The following DST variants were observed in gnomAD, a reference collection of about 807,000 sequenced individuals.
DST encodes bullous pemphigoid antigen.
DST carries 253 observed loss-of-function variants against 875.2 expected under a neutral mutation model. The observed-to-expected ratio is 0.29, with a 90% CI of 0.26 to 0.32. The LOEUF is 0.32. DST is among the 10% of genes least tolerant of loss of function. DST has a pLI of 1.00. For synonymous variants in DST, 3,124 were observed against 3,197.1 expected, an observed-to-expected ratio of 0.98 and a Z score of 0.77; for missense variants, 8,287 against 9,111.6, an observed-to-expected ratio of 0.91 and a Z score of 3.68.
chr6:56,820,876 A>G (rs916260473), intron 4 of DST, among the ~76,000 whole-genome samples: 2 of 152,218 alleles, frequency 1.3e-5, no homozygotes, highest in African/African-American at 4.8e-5. Flanking sequence ...CTGTGTATAC[A>G]AACTTGACTG....
At chr6:56,833,573 T>C (rs1389691653) in intron 4 of DST, among the ~76,000 whole-genome samples, 1 of 152,054 alleles carries the variant, frequency 6.6e-6, no homozygotes, top group African/African-American at 2.4e-5. Flanking sequence ...TAAAGCATCA[T>C]AGCTGCCAAC....
Position 56,542,428 on chromosome 6 carries a change from T to TAAAA in DST, c.16609-5492_16609-5489dup, listed in dbSNP as rs60688419. 3.5e-3 allele frequency: 237 copies of TAAAA among 68,088 alleles called. 10 individuals are homozygous for TAAAA. Among genetic ancestry groups the TAAAA allele is most frequent in the African/African-American group, 0.015 (225 of 15,330 alleles). The allele number at this position is 68,088 out of a possible 1,614,324, so 4.2% of individuals were successfully genotyped here. ...AGCATGGTGTACTACTAAGCTTCTT[T>TAAAA]AAAAAAAAAAAAAAAAAAAAAAAAA... On this transcript the variant is annotated intron_variant, in intron 61 of 103. Transcript: ENST00000680361.
At position 56,459,209 on chromosome 6, in the gene DST, C is replaced by G. The variant is rs1562119217; in HGVS notation, c.23253G>C (p.Arg7751Ser). 6.2e-7 allele frequency: 1 copy of G among 1,613,616 alleles called. No homozygotes were observed. Among genetic ancestry groups the G allele is most frequent in the Non-Finnish European group, 8.5e-7 (1 of 1,179,736 alleles). ...GSRAGSKAGS[R>S]ASSRRGSDAS... ...CATCACTGCCTCGGCGGCTGCTGGC[C>G]CTGCTGCCAGCTTTGCTTCCAGCTC... Residue 7751 changes from arginine (R) to serine (S), a missense_variant, in exon 104 of 104, where the codon AGG becomes AGC. Around this residue, in one of 10 missense-constraint regions of DST, gnomAD observed 240 missense variants for 237.3 expected, o/e 1.01. Coordinates refer to ENST00000680361, the MANE Select transcript of DST (RefSeq NM_001374736.1).
At chr6:56,730,822 A>G (rs77989765) in intron 5 of DST, among the ~76,000 whole-genome samples, 3,698 of 152,332 alleles carry the variant, frequency 0.024, 125 homozygotes, top group African/African-American at 0.078. Context: ...TCAAAAGGAA[A>G]ACATTCTTAA....
intron 32 of DST, among the ~76,000 whole-genome samples, chr6:56,628,979 C>T (rs1266255924): frequency 6.6e-6 from 1 of 152,082 alleles, no homozygotes; most frequent in African/African-American, 2.4e-5. Context: ...AATTAGAGAA[C>T]TACATTGTTT....
At chr6:56,554,023 G>A (rs1477420598) in intron 60 of DST, among the ~76,000 whole-genome samples, 2 of 137,538 alleles carry the variant, frequency 1.5e-5, no homozygotes, top group African/African-American at 5.4e-5. Context: ...TCTTAATTAT[G>A]TTGATAAATA....
At chr6:56,928,454 T>C (rs1808376159) in intron 2 of DST, among the ~76,000 whole-genome samples, 1 of 152,108 alleles carries the variant, frequency 6.6e-6, no homozygotes, top group African/African-American at 2.4e-5. Flanking sequence ...CAGCAAAGAT[T>C]TATCTCAACC....
intron 61 of DST, among the ~76,000 whole-genome samples, chr6:56,539,129 A>C (rs1429553242): frequency 6.6e-6 from 1 of 152,170 alleles, no homozygotes; most frequent in East Asian, 1.9e-4. Context: ...TCAGGACAAA[A>C]GGATAACAAT....
intron 2 of DST, among the ~76,000 whole-genome samples, chr6:56,914,343 C>T (rs13220510): frequency 0.14 from 20,658 of 152,160 alleles, 1,822 homozygotes; most frequent in Middle Eastern, 0.24. Context: ...CCCACATTTT[C>T]CCCCATTCCT....
At chr6:56,767,577 A>G (rs2099636933) in intron 4 of DST, among the ~76,000 whole-genome samples, 1 of 152,038 alleles carries the variant, frequency 6.6e-6, no homozygotes, top group Admixed American at 6.6e-5. Flanking sequence ...GTATCGCACG[A>G]CTGTACTTGC....
At chr6:56,749,894 T>C (rs1046117293) in intron 4 of DST, among the ~76,000 whole-genome samples, 3 of 152,158 alleles carry the variant, frequency 2.0e-5, no homozygotes, top group Non-Finnish European at 4.4e-5. Context: ...TTACAGCTGG[T>C]ATGGACAACT....
chr6:56,906,546 G>T (rs1007246796), intron 2 of DST, among the ~76,000 whole-genome samples: 5 of 151,992 alleles, frequency 3.3e-5, no homozygotes, highest in African/African-American at 1.2e-4. Flanking sequence ...TATTAGGGTG[G>T]GGTAATCAGC....
chr6:56,494,156 T>C lies in DST; in HGVS notation c.20248A>G (p.Lys6750Glu). ...ATCAGACTCTTATATGTTTCTTCTT[T>C]AGCTTCAAAGGCAGCACAGACTTCC... ...HMEVCAAFEA[K>E]EETYKSLMQK... Residue 6750 changes from lysine (K) to glutamate (E), a missense_variant, in exon 83 of 104, where the codon AAA becomes GAA. Transcript: ENST00000680361. The C allele has an allele frequency of 6.2e-7, 1 of 1,606,074 alleles. No homozygotes were observed. Among genetic ancestry groups the C allele is most frequent in the Non-Finnish European group, 8.5e-7 (1 of 1,175,086 alleles).
intron 5 of DST, among the ~76,000 whole-genome samples, chr6:56,717,802 C>A (rs1171264815): frequency 6.6e-6 from 1 of 152,188 alleles, no homozygotes; most frequent in Admixed American, 6.5e-5. Context: ...TAGCCAACTG[C>A]CTCTCTTCCC....
chr6:56,729,561 C>T (rs372484903), intron 5 of DST, among the ~76,000 whole-genome samples: 8 of 150,512 alleles, frequency 5.3e-5, no homozygotes, highest in East Asian at 3.9e-4. Context: ...GAGCCGAGAT[C>T]GCACCATTGC....
chr6:56,795,899 A>G (rs1442301846), intron 4 of DST, among the ~76,000 whole-genome samples: 1 of 152,162 alleles, frequency 6.6e-6, no homozygotes, highest in Admixed American at 6.5e-5. Flanking sequence ...CCAATAAAAA[A>G]TTTTTCCAGG....
chr6:56,941,320 T>C (rs1029058682), intron 2 of DST, among the ~76,000 whole-genome samples: 3 of 152,208 alleles, frequency 2.0e-5, no homozygotes, highest in Non-Finnish European at 4.4e-5. Flanking sequence ...TTTAGAAGAA[T>C]GTTATTTAAT....
At position 56,893,562 on chromosome 6, in the gene DST, C is replaced by CTTT. The variant is rs1282483681; in HGVS notation, c.417+6856_417+6858dup. On this transcript the variant is annotated intron_variant, in intron 3 of 103. Transcript: ENST00000680361. ...TCAAATGGTAGTCCTACTTTTAGTT[C>CTTT]TTTTTTTTTTTTTTTTTTTTTTTTT... Among the ~76,000 whole-genome samples, 29 of 35,900 alleles carry CTTT rather than the reference C, an allele frequency of 8.1e-4. 1 individual carries two copies. Among genetic ancestry groups the CTTT allele is most frequent in the East Asian group, 1.6e-3 (2 of 1,276 alleles). The allele number at this position is 35,900 out of a possible 152,430, so 23.6% of individuals were successfully genotyped here. A position where few individuals can be genotyped will look rare whatever the true frequency, so the allele number is the denominator to read the frequency against.
intron 4 of DST, among the ~76,000 whole-genome samples, chr6:56,736,667 A>G (rs917387030): frequency 1.3e-5 from 2 of 152,178 alleles, no homozygotes; most frequent in Admixed American, 1.3e-4. Flanking sequence ...CTACTGTAAT[A>G]TAACTAAAGT....
Sources: gnomAD v4.1 joint callset for allele counts (sites outside exome capture counted in the v4.1 genomes callset) on GRCh38, gnomAD v4.1.1 for gene constraint, gnomAD v4.1.1 regional missense constraint, MANE v1.5 for transcripts, NCBI Gene and HGNC (gene_info 2026-07-23, HGNC 2026-07-21) for gene names.